The following FOXP2 variants were observed in gnomAD, a reference collection of about 807,000 sequenced individuals.
The protein encoded by FOXP2 is forkhead box protein P2.
FOXP2 carries 12 observed loss-of-function variants against 115.8 expected under a neutral mutation model. That is an observed-to-expected ratio of 0.10 (90% confidence interval 0.07 to 0.17). The LOEUF is 0.17. Among genes scored for constraint, FOXP2 ranks in the 10% least tolerant of loss-of-function variants. The pLI, the probability that FOXP2 is intolerant of heterozygous loss-of-function variation, is 1.00. For missense variants in FOXP2, 629 were observed against 843.5 expected, an observed-to-expected ratio of 0.75 and a Z score of 3.15; for synonymous variants, 328 against 297.7, an observed-to-expected ratio of 1.10 and a Z score of -1.05.
intron 1 of FOXP2, among the ~76,000 whole-genome samples, chr7:114,094,049 G>A (rs1799595206): frequency 6.6e-6 from 1 of 152,162 alleles, no homozygotes; most frequent in Non-Finnish European, 1.5e-5. Flanking sequence ...GGGGAAAGAT[G>A]GAGGGAAATG....
chr7:114,582,289 T>C (rs993323035), intron 3 of FOXP2, among the ~76,000 whole-genome samples: 2 of 152,206 alleles, frequency 1.3e-5, no homozygotes, highest in African/African-American at 2.4e-5. Flanking sequence ...TTAACTCTTA[T>C]ATTATGTGTT....
intron 1 of FOXP2, among the ~76,000 whole-genome samples, chr7:114,191,829 G>A (rs575784447): frequency 1.3e-5 from 2 of 152,016 alleles, no homozygotes; most frequent in African/African-American, 2.4e-5. Context: ...TTTTTTCCGC[G>A]GGTTTTGACA....
intron 3 of FOXP2, among the ~76,000 whole-genome samples, chr7:114,547,999 A>G (rs568660073): frequency 6.6e-6 from 1 of 152,322 alleles, no homozygotes; most frequent in South Asian, 2.1e-4. Context: ...CATGAACTCC[A>G]CAGACAAGTA....
chr7:114,348,799 A>G (rs757806693), intron 2 of FOXP2, among the ~76,000 whole-genome samples: 12 of 152,058 alleles, frequency 7.9e-5, no homozygotes, highest in Non-Finnish European at 1.8e-4. Context: ...ATGCTTTTGC[A>G]AGGGTCAAAC....
At chr7:114,651,337 G>C (rs1237171673) in intron 8 of FOXP2, among the ~76,000 whole-genome samples, 1 of 152,010 alleles carries the variant, frequency 6.6e-6, no homozygotes, top group East Asian at 1.9e-4. Context: ...TGAATTACTT[G>C]AAGATTACTT....
Position 114,345,904 on chromosome 7 carries a change from CTTA to C in FOXP2, c.-11+57799_-11+57801del, listed in dbSNP as rs550380922. 1.8e-4 allele frequency among the ~76,000 whole-genome samples: 27 copies of C among 151,742 alleles called. No individual in the cohort carries two copies. In the South Asian group the frequency reaches 5.4e-3, roughly 30 times the overall value. Reference sequence around the variant, plus strand: ...ATTTCAAATAAAGATGAGTAATATACTTATTAAGAGTTATTTTGTGTTATATTT... The same window carrying C: ...ATTTCAAATAAAGATGAGTAATATACTTAAGAGTTATTTTGTGTTATATTT... On this transcript the variant is annotated intron_variant, in intron 2 of 17. Coordinates refer to the FOXP2 transcript ENST00000634411.
rs1349486919 is a variant in FOXP2 at position 114,690,881 on chromosome 7, G to C, written c.*955G>C. On this transcript the variant is annotated 3_prime_UTR_variant, in exon 17 of 17. Coordinates refer to ENST00000350908, the MANE Select transcript of FOXP2 (RefSeq NM_014491.4). ...TACCTGCTGTTTTCTGATGACCTCT[G>C]GGATCTTTTCATTTAGCCCTAAACA... 2.2e-6 allele frequency: 1 copy of C among 454,374 alleles called. No homozygotes were observed. The highest frequency in any genetic ancestry group is 1.6e-5 in the South Asian group (1 of 64,458). 28.1% of individuals were successfully genotyped at this position (454,374 alleles called of 1,614,324 possible).
intron 2 of FOXP2, among the ~76,000 whole-genome samples, chr7:114,292,566 T>G (rs1298961231): frequency 6.6e-6 from 1 of 152,338 alleles, no homozygotes; most frequent in East Asian, 1.9e-4. Context: ...TTTGTCAATG[T>G]ACATCTTTCT....
At chr7:114,342,931 G>A (rs1182417222) in intron 2 of FOXP2, among the ~76,000 whole-genome samples, 1 of 151,502 alleles carries the variant, frequency 6.6e-6, no homozygotes, top group African/African-American at 2.4e-5. Flanking sequence ...GAGAAGAAAT[G>A]TTCAGAAATC....
chr7:114,204,318 G>T (rs1375719438), intron 1 of FOXP2, among the ~76,000 whole-genome samples: 1 of 152,096 alleles, frequency 6.6e-6, no homozygotes, highest in Non-Finnish European at 1.5e-5. Context: ...TGGAAATCCA[G>T]TGTATAGTTG....
intron 16 of FOXP2, among the ~76,000 whole-genome samples, chr7:114,671,676 C>T (rs1015675027): frequency 1.3e-5 from 2 of 150,408 alleles, no homozygotes; most frequent in Admixed American, 1.3e-4. Flanking sequence ...CTTTCAGTAC[C>T]AGGGAAAAAA....
At chr7:114,095,333 C>T (rs1169220058) in intron 1 of FOXP2, among the ~76,000 whole-genome samples, 1 of 152,110 alleles carries the variant, frequency 6.6e-6, no homozygotes, top group Non-Finnish European at 1.5e-5. Flanking sequence ...CCTGATACCC[C>T]ATGAACATAC....
chr7:114,634,345 C>T (rs897438699), intron 6 of FOXP2, among the ~76,000 whole-genome samples: 2 of 152,064 alleles, frequency 1.3e-5, no homozygotes, highest in African/African-American at 4.8e-5. Context: ...ACAACTTCTT[C>T]ATGCTACTTT....
At chr7:114,412,483 A>T (rs1335027945), upstream of FOXP2, among the ~76,000 whole-genome samples, 2 of 151,960 alleles carry the variant, frequency 1.3e-5, no homozygotes, top group Admixed American at 1.3e-4. Flanking sequence ...TTCCTAATAC[A>T]TTTGTGTGTG....
chr7:114,312,491 T>C (rs1797171314), intron 2 of FOXP2, among the ~76,000 whole-genome samples: 1 of 152,176 alleles, frequency 6.6e-6, no homozygotes, highest in Non-Finnish European at 1.5e-5. Context: ...CCCTTTTCCT[T>C]CCTGTTCCAG....
intron 1 of FOXP2, among the ~76,000 whole-genome samples, chr7:114,278,320 A>C (rs1356034933): frequency 1.3e-5 from 2 of 152,114 alleles, no homozygotes; most frequent in East Asian, 1.9e-4. Context: ...ACAAGCTGTT[A>C]AAACATTTCA....
At chr7:114,475,331 G>A (rs1264966136) in intron 2 of FOXP2, among the ~76,000 whole-genome samples, 1 of 152,048 alleles carries the variant, frequency 6.6e-6, no homozygotes, top group Non-Finnish European at 1.5e-5. Flanking sequence ...GAATTTTAAT[G>A]AAGTCCTTCA....
chr7:114,642,777 A>G (rs1417201593), intron 7 of FOXP2, among the ~76,000 whole-genome samples, 154 bp downstream of exon 7: 3 of 98,036 alleles, frequency 3.1e-5, no homozygotes, highest in Admixed American at 3.0e-4. Flanking sequence ...TATTTTATAT[A>G]TAATATATAT....
intron 2 of FOXP2, among the ~76,000 whole-genome samples, chr7:114,457,198 A>T (rs865795415): frequency 1.3e-5 from 2 of 152,288 alleles, no homozygotes; most frequent in African/African-American, 2.4e-5. Flanking sequence ...ACAGAAGAGA[A>T]TGGATATGTT....
Sources: gnomAD v4.1 joint callset for allele counts (sites outside exome capture counted in the v4.1 genomes callset) on GRCh38, gnomAD v4.1.1 for gene constraint, MANE v1.5 for transcripts, NCBI Gene and HGNC (gene_info 2026-07-23, HGNC 2026-07-21) for gene names.